The following MRPS18C variants were observed in gnomAD, a reference collection of about 807,000 sequenced individuals.
MRPS18C encodes small ribosomal subunit protein bS18m.
In MRPS18C, 21 loss-of-function variants were observed where a neutral mutation model predicts 21.0. That is an observed-to-expected ratio of 1.00 (90% confidence interval 0.71 to 1.44). The LOEUF is 1.44. Among genes scored for constraint, MRPS18C ranks in the 40% most tolerant of loss-of-function variants. The pLI, the probability that MRPS18C is intolerant of heterozygous loss-of-function variation, is 0.00. For synonymous variants in MRPS18C, 65 were observed against 54.3 expected, an observed-to-expected ratio of 1.20 and a Z score of -0.87; for missense variants, 152 against 171.5, an observed-to-expected ratio of 0.89 and a Z score of 0.64.
intron 1 of MRPS18C, 57 bp downstream of exon 1, chr4:83,456,234 T>C: frequency 6.9e-7 from 1 of 1,452,418 alleles, no homozygotes; most frequent in Admixed American, 1.7e-5. Flanking sequence ...ACCTTAGTCC[T>C]AATGGTTAGA....
In MRPS18C at chr4:83,456,157, C is replaced by T. The variant is rs377672121; in HGVS notation, c.80C>T (p.Thr27Ile). The T allele has an allele frequency of 1.9e-6, 3 of 1,613,848 alleles. No homozygotes were observed. Among genetic ancestry groups the T allele is most frequent in the South Asian group, 1.1e-5 (1 of 91,064 alleles). The stretch of plus-strand genomic sequence containing the variant: ...TTGGTAACGGCTGCTGTCAGCCTTA[C>T]ACATCCCGGGACTCACACGGGTAAA... ...THLVTAAVSLTHPGTHTVLWR... is the reference protein window; with the variant it reads ...THLVTAAVSLIHPGTHTVLWR... Residue 27 changes from threonine to isoleucine, a missense_variant, in exon 1 of 6, where the codon ACA becomes ATA. By Grantham distance (89) the Thr-to-Ile change is moderately conservative. Around this residue, in one of 2 missense-constraint regions of MRPS18C, gnomAD observed 118 missense variants for 104.4 expected, o/e 1.13. Transcript: ENST00000295491.
intron 3 of MRPS18C, chr4:83,458,674 T>G: frequency 2.9e-6 from 1 of 342,320 alleles, no homozygotes; most frequent in Non-Finnish European, 5.2e-6. Flanking sequence ...AACATCTTAA[T>G]AGCTCCCTGT....
chr4:83,460,862 C>T, intron 4 of MRPS18C, 111 bp from the exon 5 acceptor site: 3 of 858,938 alleles, frequency 3.5e-6, no homozygotes, highest in East Asian at 2.6e-5. Context: ...GGCGAGAGAG[C>T]ACCACTGTAC....
intron 3 of MRPS18C, chr4:83,458,644 CTG>C (rs1307309745): frequency 2.5e-6 from 1 of 404,618 alleles, no homozygotes. Context: ...TATTTCCACT[CTG>C]TTTTTTTCAC....
At chr4:83,457,210 A>G in intron 2 of MRPS18C, 1 of 354,862 alleles carries the variant, frequency 2.8e-6, no homozygotes, top group Non-Finnish European at 5.0e-6. Context: ...CTATAATACC[A>G]TATTTTTCTT....
Position 83,461,973 on chromosome 4 carries a change from G to T in MRPS18C, c.*776G>T. ...CTAGCCATAATGTACTTCTAAAAAA[G>T]TATCACTTAAGGAGAATTTTAATGA... On this transcript the variant is annotated 3_prime_UTR_variant, in exon 6 of 6. Transcript: ENST00000295491. 1 of 228,858 alleles carries T rather than the reference G, an allele frequency of 4.4e-6. No individual in the cohort carries two copies. The highest frequency in any genetic ancestry group is 8.7e-6 in the Non-Finnish European group (1 of 115,396). The allele number at this position is 228,858 out of a possible 1,614,324, so 14.2% of individuals were successfully genotyped here. A position where few individuals can be genotyped will look rare whatever the true frequency, so the allele number is the denominator to read the frequency against.
At chr4:83,460,061 C>T (rs1722024226) in intron 4 of MRPS18C, 1 of 266,776 alleles carries the variant, frequency 3.7e-6, no homozygotes, top group African/African-American at 2.2e-5. Flanking sequence ...ATAATCATTC[C>T]TAGATTGATA....
rs1722007064 is a variant in MRPS18C at position 83,459,733 on chromosome 4, A to G, written c.235-7A>G. On this transcript the variant is annotated splice_region_variant and splice_polypyrimidine_tract_variant and intron_variant, in intron 3 of 5. Coordinates refer to ENST00000295491, the MANE Select transcript of MRPS18C (RefSeq NM_016067.4). Reference sequence around the variant, plus strand: ...TTTTTTCCCCTCCACATAAAACTCCAAAACAGCTTTTGTCCCAGTTTGTTT... The same window carrying G: ...TTTTTTCCCCTCCACATAAAACTCCGAAACAGCTTTTGTCCCAGTTTGTTT... 3.1e-6 allele frequency: 5 copies of G among 1,608,830 alleles called. No homozygotes were observed. The Admixed American group carries it at 8.4e-5, about 27-fold the overall frequency.
chr4:83,458,514 G>A (rs1721951617), intron 3 of MRPS18C, 85 bp downstream of exon 3: 2 of 1,040,010 alleles, frequency 1.9e-6, no homozygotes, highest in East Asian at 5.4e-5. Context: ...TTTATAGCAG[G>A]CTTTTGTAGA....
chr4:83,456,982 T>C (rs1721866162), intron 2 of MRPS18C, 24 bp downstream of exon 2: 1 of 1,603,998 alleles, frequency 6.2e-7, no homozygotes, highest in African/African-American at 1.3e-5. Context: ...TTTCTATTAG[T>C]AAGGCCTTTG....
intron 1 of MRPS18C, 143 bp from the exon 2 acceptor site, chr4:83,456,766 A>G (rs1316300975): frequency 4.0e-6 from 3 of 753,346 alleles, no homozygotes; most frequent in Non-Finnish European, 6.3e-6. Flanking sequence ...CAAATATAAA[A>G]GTTTTTAACC....
chr4:83,461,028 A>G lies in MRPS18C; in HGVS notation c.348A>G (p.Ile116Met). The change falls in exon 5 of 6, where the codon ATA becomes ATG. Residue 116 changes from isoleucine (I) to methionine (M), a missense_variant. Physicochemically the swap from Ile to Met is conservative, Grantham distance 10. Transcript: ENST00000295491. ...CAAAAGCAATTAAGAGAGCTCAAAT[A>G]ATGGGTAAGAAAGAATACCTCAACA... ...EITKAIKRAQ[I>M]MGFMPVTYKD... 1 of 1,612,438 alleles carries G rather than the reference A, an allele frequency of 6.2e-7. No individual in the cohort carries two copies. The highest frequency in any genetic ancestry group is 8.5e-7 in the Non-Finnish European group (1 of 1,179,248).
chr4:83,460,929 A>T (rs1467176916), intron 4 of MRPS18C, 44 bp from the exon 5 acceptor site: 2 of 1,563,232 alleles, frequency 1.3e-6, no homozygotes, highest in Non-Finnish European at 1.7e-6. Flanking sequence ...GCAAACTTTA[A>T]ATATTGACAT....
chr4:83,459,505 A>T (rs1333829917), intron 3 of MRPS18C: 1 of 389,156 alleles, frequency 2.6e-6, no homozygotes, highest in African/African-American at 2.1e-5. Flanking sequence ...CAGATTTACC[A>T]TTGAATGAAT....
intron 4 of MRPS18C, 51 bp downstream of exon 4, chr4:83,459,848 ATCTATT>A (rs757063565): frequency 7.0e-7 from 1 of 1,425,838 alleles, no homozygotes; most frequent in East Asian, 2.3e-5. Flanking sequence ...AATTATATCA[ATCTATT>A]TCTATCATTT....
chr4:83,458,621 C>G, intron 3 of MRPS18C, 192 bp downstream of exon 3: 1 of 448,240 alleles, frequency 2.2e-6, no homozygotes, highest in Non-Finnish European at 3.9e-6. Context: ...CTTGGCTTTC[C>G]CCCACTTACT....
chr4:83,456,216 A>G lies in MRPS18C; in HGVS notation c.100+39A>G, dbSNP rs1383854960. On this transcript the variant is annotated intron_variant, in intron 1 of 5. Transcript: ENST00000295491. ...ATCCTATGCTCCATTGTAGCGCTGC[A>G]GGCATTAACCTTAGTCCTAATGGTT... 3 of 1,489,582 alleles carry G rather than the reference A, an allele frequency of 2.0e-6. No individual in the cohort carries two copies. The South Asian group carries it at 3.4e-5, about 17-fold the overall frequency. 92.3% of individuals were successfully genotyped at this position (1,489,582 alleles called of 1,614,324 possible).
chr4:83,456,068 A>T lies in MRPS18C; in HGVS notation c.-10A>T, dbSNP rs756512770. ...TTTGGAACGAAAGGAAGTGGAAGAA[A>T]CGCGGAACCATGGCCGCTGTGGTTG... On this transcript the variant is annotated 5_prime_UTR_variant, in exon 1 of 6. Transcript: ENST00000295491. 6.2e-6 allele frequency: 10 copies of T among 1,612,076 alleles called. No homozygotes were observed. Among genetic ancestry groups the T allele is most frequent in the Non-Finnish European group, 8.5e-6 (10 of 1,179,808 alleles).
intron 2 of MRPS18C, chr4:83,458,017 A>G (rs1034771155): frequency 7.8e-6 from 2 of 257,388 alleles, no homozygotes; most frequent in Admixed American, 6.1e-5. Flanking sequence ...TAAGAATGGC[A>G]TATGTTATCT....
Sources: allele counts gnomAD v4.1 joint callset, GRCh38; gene constraint gnomAD v4.1.1; regional missense constraint gnomAD v4.1.1; transcripts MANE v1.5; gene names NCBI Gene and HGNC (gene_info 2026-07-23, HGNC 2026-07-21).